Variants in ZNF892 observed in about 807,000 individuals in gnomAD.
ZNF892 encodes the protein zinc finger protein 570-like.
chr2:95,250,770 A>G, the ZNF892 span, among the ~76,000 whole-genome samples: 2 of 145,466 alleles, frequency 1.4e-5, no homozygotes, highest in Admixed American at 1.4e-4. Context: ...TAAATTTATC[A>G]TAAATTATAA....
chr2:95,216,840 T>G, the ZNF892 span, among the ~76,000 whole-genome samples: 1 of 152,176 alleles, frequency 6.6e-6, no homozygotes. Context: ...AGCCCCCACC[T>G]TCTACTCCTT....
chr2:95,256,648 A>G, the ZNF892 span, among the ~76,000 whole-genome samples: 2 of 152,192 alleles, frequency 1.3e-5, no homozygotes, highest in African/African-American at 2.4e-5. Flanking sequence ...GTTCTCCTGG[A>G]TAATATCCTG....
chr2:95,236,962 A>G, the ZNF892 span, among the ~76,000 whole-genome samples: 1 of 152,176 alleles, frequency 6.6e-6, no homozygotes, highest in Non-Finnish European at 1.5e-5. Context: ...ATTCTTTATT[A>G]CACTTTGCAG....
At chr2:95,215,561 G>A in the ZNF892 span, 5 of 403,802 alleles carry the variant, frequency 1.2e-5, no homozygotes, top group Non-Finnish European at 2.2e-5. Flanking sequence ...CTCTTAGTGA[G>A]CATTTAACCT....
chr2:95,245,459 G>C, the ZNF892 span, among the ~76,000 whole-genome samples: 5 of 112,284 alleles, frequency 4.5e-5, no homozygotes, highest in Admixed American at 2.0e-4. Context: ...GCGGGGGGGG[G>C]GGGGTTTCAC....
At chr2:95,209,305 G>C in the ZNF892 span, among the ~76,000 whole-genome samples, 1 of 152,182 alleles carries the variant, frequency 6.6e-6, no homozygotes, top group Non-Finnish European at 1.5e-5. Flanking sequence ...GTCTTCCGAG[G>C]ATGTGTGGAT....
At chr2:95,261,151 G>T in the ZNF892 span, among the ~76,000 whole-genome samples, 3 of 152,186 alleles carry the variant, frequency 2.0e-5, no homozygotes, top group Non-Finnish European at 4.4e-5. Context: ...GAAGAGGGAG[G>T]CCCTGCAGGC....
At chr2:95,213,202 G>A in the ZNF892 span, among the ~76,000 whole-genome samples, 14 of 152,280 alleles carry the variant, frequency 9.2e-5, no homozygotes, top group African/African-American at 2.9e-4. Context: ...AGATAGGCAA[G>A]TCCCTCACTA....
At chr2:95,261,881 G>A in the ZNF892 span, among the ~76,000 whole-genome samples, 1 of 152,204 alleles carries the variant, frequency 6.6e-6, no homozygotes, top group Non-Finnish European at 1.5e-5. Flanking sequence ...GCCAAGGCTG[G>A]TAGGAATGGG....
chr2:95,247,513 C>T, the ZNF892 span, among the ~76,000 whole-genome samples: 1 of 152,030 alleles, frequency 6.6e-6, no homozygotes, highest in Admixed American at 6.6e-5. Flanking sequence ...CAAGTGGGAC[C>T]TAATTAAACT....
At chr2:95,251,062 A>G in the ZNF892 span, among the ~76,000 whole-genome samples, 1 of 151,218 alleles carries the variant, frequency 6.6e-6, no homozygotes, top group African/African-American at 2.4e-5. Context: ...ATATTAATAA[A>G]TGCTTATTAT....
At chr2:95,226,154 C>G in the ZNF892 span, among the ~76,000 whole-genome samples, 1 of 152,192 alleles carries the variant, frequency 6.6e-6, no homozygotes, top group African/African-American at 2.4e-5. Context: ...GGTCTCTTTA[C>G]AGTGGCTCCA....
the ZNF892 span, among the ~76,000 whole-genome samples, chr2:95,249,405 T>C: frequency 6.8e-6 from 1 of 147,784 alleles, no homozygotes; most frequent in Non-Finnish European, 1.5e-5. Context: ...CACTCCTGGC[T>C]ATTTTTTTTT....
the ZNF892 span, among the ~76,000 whole-genome samples, chr2:95,258,646 A>C: frequency 6.6e-6 from 1 of 152,158 alleles, no homozygotes; most frequent in Non-Finnish European, 1.5e-5. Flanking sequence ...TTTGAAGAGG[A>C]ATTCACTGTA....
At chr2:95,234,982 C>T in the ZNF892 span, among the ~76,000 whole-genome samples, 4 of 152,102 alleles carry the variant, frequency 2.6e-5, no homozygotes, top group African/African-American at 9.7e-5. Flanking sequence ...CTTGTGGTTT[C>T]TTGGGCTATC....
the ZNF892 span, among the ~76,000 whole-genome samples, chr2:95,215,767 A>G: frequency 1.3e-5 from 2 of 152,224 alleles, no homozygotes; most frequent in African/African-American, 2.4e-5. Flanking sequence ...ATAGTTTTAC[A>G]TTTTTAAAAG....
At chr2:95,213,377 T>G in the ZNF892 span, among the ~76,000 whole-genome samples, 1 of 152,256 alleles carries the variant, frequency 6.6e-6, no homozygotes, top group Non-Finnish European at 1.5e-5. Context: ...TATTAATTTA[T>G]TTCATGTAGA....
At chr2:95,250,640 TAAATATAAA>T in the ZNF892 span, among the ~76,000 whole-genome samples, 1 of 138,800 alleles carries the variant, frequency 7.2e-6, no homozygotes, top group African/African-American at 2.6e-5. Flanking sequence ...TATAAATTTA[TAAATATAAA>T]CTATTCATAA....
At chr2:95,239,771 G>T in the ZNF892 span, among the ~76,000 whole-genome samples, 30 of 152,194 alleles carry the variant, frequency 2.0e-4, no homozygotes, top group African/African-American at 7.2e-4. Flanking sequence ...GGGATTACAG[G>T]CATCTGCCAC....
Sources: gnomAD v4.1 joint callset for allele counts (sites outside exome capture counted in the v4.1 genomes callset) on GRCh38, gnomAD v4.1.1 for gene constraint, MANE v1.5 for transcripts, NCBI Gene and HGNC (gene_info 2026-07-23, HGNC 2026-07-21) for gene names.